Variants in TTC8 observed in about 807,000 individuals in gnomAD.
TTC8 encodes tetratricopeptide repeat protein 8.
In TTC8, 47 loss-of-function variants were observed where a neutral mutation model predicts 72.5. The ratio of observed to expected loss-of-function variants is 0.65; its 90% CI spans 0.51 to 0.83. TTC8 has a LOEUF of 0.83. Among genes scored for constraint, TTC8 ranks in the 40% least tolerant of loss-of-function variants. The pLI, the probability that TTC8 is intolerant of heterozygous loss-of-function variation, is 0.00. For missense variants in TTC8, 611 were observed against 623.2 expected (o/e 0.98, Z 0.21); for synonymous variants, 199 against 221.4 (o/e 0.90, Z 0.90).
intron 1 of TTC8, among the ~76,000 whole-genome samples, chr14:88,826,603 C>T (rs1289000098): frequency 6.6e-6 from 1 of 151,954 alleles, no homozygotes; most frequent in Admixed American, 6.6e-5. Flanking sequence ...ACTCGGGAGG[C>T]CGAGGTAGGA....
At chr14:88,834,056 G>A (rs569598819) in intron 2 of TTC8, 21 of 336,908 alleles carry the variant, frequency 6.2e-5, no homozygotes, top group South Asian at 3.7e-4. Context: ...GAGAGTCAGC[G>A]GAATGACAAA....
chr14:88,861,249 A>T lies in TTC8; in HGVS notation c.826A>T (p.Thr276Ser), dbSNP rs1278260917. ...TTATGTCTCATTGGATCAACCTGTGACTGCTTTAAATCTTTTCAAACAAGG... is the reference window on the plus strand; with the variant it reads ...TTATGTCTCATTGGATCAACCTGTGTCTGCTTTAAATCTTTTCAAACAAGG... ...KVYVSLDQPV[T>S]ALNLFKQGLD... is the part of the protein sequence containing the mutation. The change falls in exon 10 of 15, where the codon ACT becomes TCT. Residue 276 changes from threonine (T) to serine (S), a missense_variant. Thr to Ser is a moderately conservative substitution (Grantham distance 58, BLOSUM62 1). Transcript: ENST00000380656. The T allele has an allele frequency of 1.9e-6, 3 of 1,612,688 alleles. No homozygotes were observed.
chr14:88,872,103 A>AT (rs1364765897), intron 12 of TTC8, among the ~76,000 whole-genome samples: 1 of 152,160 alleles, frequency 6.6e-6, no homozygotes, highest in African/African-American at 2.4e-5. Flanking sequence ...ATTATCCTAC[A>AT]TCCAGGTTTG....
chr14:88,868,401 T>C (rs1467002987), intron 10 of TTC8, among the ~76,000 whole-genome samples: 1 of 152,202 alleles, frequency 6.6e-6, no homozygotes, highest in Non-Finnish European at 1.5e-5. Context: ...AAAGGAATCT[T>C]AGACCAAAAC....
At chr14:88,876,561 C>A (rs1328166780) in intron 14 of TTC8, among the ~76,000 whole-genome samples, 5 of 152,054 alleles carry the variant, frequency 3.3e-5, no homozygotes, top group African/African-American at 9.7e-5. Context: ...ACCCCAGTTA[C>A]CCTGATTTGA....
chr14:88,851,351 T>G (rs1439223882), intron 7 of TTC8, among the ~76,000 whole-genome samples: 1 of 152,190 alleles, frequency 6.6e-6, no homozygotes, highest in African/African-American at 2.4e-5. Context: ...CACAAAGATA[T>G]GGGTTCTCCA....
intron 1 of TTC8, among the ~76,000 whole-genome samples, chr14:88,825,117 A>G (rs2094693236): frequency 6.6e-6 from 1 of 152,206 alleles, no homozygotes; most frequent in Non-Finnish European, 1.5e-5. Flanking sequence ...TTGACGAGGA[A>G]CTTTGATAAT....
intron 6 of TTC8, 96 bp from the exon 7 acceptor site, chr14:88,843,710 C>T (rs1347816947): frequency 2.6e-6 from 2 of 780,264 alleles, no homozygotes; most frequent in South Asian, 1.7e-5. Context: ...GATGGATAGG[C>T]CCTTTTATCT....
chr14:88,857,201 A>G lies in TTC8; in HGVS notation c.722A>G (p.Tyr241Cys). The G allele has an allele frequency of 6.2e-7, 1 of 1,613,878 alleles. No individual in the cohort carries two copies. Among genetic ancestry groups the G allele is most frequent in the Non-Finnish European group, 8.5e-7 (1 of 1,179,884 alleles). The change falls in exon 9 of 15, where the codon TAT becomes TGT. Residue 241 changes from tyrosine (Y) to cysteine (C), a missense_variant. By Grantham distance (194) the Tyr-to-Cys change is radical (BLOSUM62 -2). Transcript: ENST00000380656. ...IGKCYYRLGM[Y>C]REAEKQFKSA... ...ATTGCTATTTGTAGGTTGGGAATGT[A>G]TCGTGAAGCAGAAAAACAGTTTAAA...
At chr14:88,864,707 A>T (rs2094902539) in intron 10 of TTC8, among the ~76,000 whole-genome samples, 1 of 152,226 alleles carries the variant, frequency 6.6e-6, no homozygotes, top group African/African-American at 2.4e-5. Context: ...AGGACTAAGC[A>T]CAGATTTGAA....
At chr14:88,877,202 G>T in intron 14 of TTC8, 92 bp from the exon 15 acceptor site, 1 of 888,314 alleles carries the variant, frequency 1.1e-6, no homozygotes. Flanking sequence ...AATTTCTACA[G>T]CATGCAGATA....
rs550041498 is a variant in TTC8 at position 88,871,181 on chromosome 14, A to T, written c.1050-368A>T. On this transcript the variant is annotated intron_variant, in intron 11 of 14. Coordinates refer to ENST00000380656, the MANE Select transcript of TTC8 (RefSeq NM_144596.4). The surrounding 1 kb of genome is among the most constrained non-coding windows in gnomAD (Gnocchi z 4.1). ...AGGTTAATGCTAAACGCAGTCCTCA[A>T]ATTAGATTAGGTTTTAGGAATTTAC... Among the ~76,000 whole-genome samples the T allele has an allele frequency of 6.6e-6, 1 of 152,230 alleles. No homozygotes were observed. Among genetic ancestry groups the T allele is most frequent in the Admixed American group, 6.5e-5 (1 of 15,278 alleles).
intron 9 of TTC8, among the ~76,000 whole-genome samples, chr14:88,860,653 A>C (rs904320669): frequency 6.6e-6 from 1 of 152,182 alleles, no homozygotes; most frequent in Non-Finnish European, 1.5e-5. Flanking sequence ...TTTCTTGTCT[A>C]GTTACTATTG....
chr14:88,828,862 C>G (rs1320399352), intron 1 of TTC8, among the ~76,000 whole-genome samples: 1 of 152,072 alleles, frequency 6.6e-6, no homozygotes, highest in African/African-American at 2.4e-5. Context: ...GGTGTAGAAT[C>G]ATCAAAAGTC....
rs768485587 is a variant in TTC8 at position 88,861,211 on chromosome 14, C to T, written c.799-11C>T. Reference sequence around the variant, plus strand: ...AACCTATACTTTTATTGAAATGTATCTTGTTTTTAGGTTTATGTCTCATTG... The same window carrying T: ...AACCTATACTTTTATTGAAATGTATTTTGTTTTTAGGTTTATGTCTCATTG... On this transcript the variant is annotated splice_polypyrimidine_tract_variant and intron_variant, in intron 9 of 14. Transcript: ENST00000380656. 80 of 1,570,178 alleles carry T rather than the reference C, an allele frequency of 5.1e-5. No homozygotes were observed. Among genetic ancestry groups the T allele is most frequent in the Non-Finnish European group, 7.0e-5 (80 of 1,141,940 alleles).
At chr14:88,841,401 T>G in intron 5 of TTC8, 24 bp from the exon 6 acceptor site, 1 of 1,610,900 alleles carries the variant, frequency 6.2e-7, no homozygotes, top group African/African-American at 1.3e-5. Context: ...TCAGATCTCT[T>G]GGTCTATTGT....
chr14:88,870,979 A>C (rs1221323898), intron 11 of TTC8, among the ~76,000 whole-genome samples: 1 of 152,188 alleles, frequency 6.6e-6, no homozygotes, highest in Admixed American at 6.5e-5. Context: ...CCATGGGATT[A>C]ATTATGCATA....
chr14:88,836,582 A>G (rs1277622933), intron 2 of TTC8, among the ~76,000 whole-genome samples: 3 of 151,646 alleles, frequency 2.0e-5, no homozygotes, highest in African/African-American at 2.4e-5. Context: ...TCTTTTCTAT[A>G]TTTTGCTTAG....
chr14:88,879,651 C>CATCATT (rs968532644), downstream of TTC8: 14 of 141,174 alleles, frequency 9.9e-5, no homozygotes, highest in East Asian at 8.3e-4. Context: ...CGTGTCACTA[C>CATCATT]ATTATTATTA....
Sources: allele counts gnomAD v4.1 joint callset (sites outside exome capture counted in the v4.1 genomes callset), GRCh38; gene constraint gnomAD v4.1.1; non-coding constraint Gnocchi (gnomAD v3.1); transcripts MANE v1.5; gene names NCBI Gene and HGNC (gene_info 2026-07-23, HGNC 2026-07-21).